EYS: variants seen among roughly 807,000 people sequenced by gnomAD.
EYS encodes protein eyes shut homolog.
Under a neutral mutation model 282.1 loss-of-function variants are expected in EYS, and 250 were observed. The ratio of observed to expected loss-of-function variants is 0.89; its 90% CI spans 0.80 to 0.98. The LOEUF (loss-of-function observed/expected upper bound fraction) is 0.98, where lower values mean the gene tolerates loss of function less well. EYS is among the 50% of genes least tolerant of loss of function. EYS has a pLI of 0.00. For synonymous variants in EYS, 1,355 were observed against 1,282.9 expected, an observed-to-expected ratio of 1.06 and a Z score of -1.20; for missense variants, 4,016 against 3,709.0, an observed-to-expected ratio of 1.08 and a Z score of -2.15.
At chr6:64,771,991 T>C (rs1773538044) in intron 22 of EYS, among the ~76,000 whole-genome samples, 2 of 151,806 alleles carry the variant, frequency 1.3e-5, no homozygotes. Context: ...GATACTGCTT[T>C]ATTATTTTTC....
intron 2 of EYS, among the ~76,000 whole-genome samples, chr6:65,594,210 G>A (rs1340658172): frequency 2.0e-5 from 3 of 151,922 alleles, no homozygotes; most frequent in South Asian, 4.1e-4. Context: ...ATAGTTACAT[G>A]GTTGTATATG....
Position 64,081,980 on chromosome 6 carries a change from A to T in EYS, c.6447T>A (p.Ser2149=), listed in dbSNP as rs763595557. ...GTTCTAAATAGGAATTCCCATTGAA[A>T]GATGGAAAGAATAAACCTGCATCTA... ...CEKDAGLFFP[S]FNGNSYLELP... is the part of the protein sequence containing the mutation. Residue 2149 remains serine (S), a synonymous_variant, in exon 32 of 43, where the codon TCT becomes TCA. Coordinates refer to ENST00000503581, the MANE Select transcript of EYS (RefSeq NM_001142800.2). The T allele has an allele frequency of 6.5e-7, 1 of 1,543,550 alleles. No individual in the cohort carries two copies. The highest frequency in any genetic ancestry group is 1.2e-5 in the South Asian group (1 of 83,732).
At chr6:64,731,176 C>A (rs192275357) in intron 22 of EYS, among the ~76,000 whole-genome samples, 1 of 152,046 alleles carries the variant, frequency 6.6e-6, no homozygotes, top group Non-Finnish European at 1.5e-5. Context: ...CATAAAAACC[C>A]TAGAAGAAAT....
At chr6:64,585,390 G>A (rs1010207224) in intron 26 of EYS, among the ~76,000 whole-genome samples, 1 of 152,026 alleles carries the variant, frequency 6.6e-6, no homozygotes, top group Admixed American at 6.6e-5. Flanking sequence ...TGGATGATGG[G>A]ATCTGTACCT....
At chr6:63,956,609 C>CAAAT (rs1765834672) in intron 35 of EYS, among the ~76,000 whole-genome samples, 1 of 152,070 alleles carries the variant, frequency 6.6e-6, no homozygotes, top group South Asian at 2.1e-4. Flanking sequence ...TTTTAATTGA[C>CAAAT]AATTGGATGT....
At chr6:64,713,753 C>A (rs1771286068) in intron 22 of EYS, among the ~76,000 whole-genome samples, 1 of 152,074 alleles carries the variant, frequency 6.6e-6, no homozygotes, top group South Asian at 2.1e-4. Context: ...TATGTAACAG[C>A]CACTTAATAT....
intron 31 of EYS, among the ~76,000 whole-genome samples, chr6:64,224,776 G>T (rs897739814): frequency 3.3e-5 from 5 of 151,716 alleles, no homozygotes; most frequent in African/African-American, 7.3e-5. Flanking sequence ...GGACATAAAA[G>T]ACAGAAATCC....
At chr6:63,725,425 G>C (rs557581254) in intron 42 of EYS, among the ~76,000 whole-genome samples, 27 of 151,934 alleles carry the variant, frequency 1.8e-4, no homozygotes, top group Non-Finnish European at 3.4e-4. Flanking sequence ...TCTTACATAG[G>C]TCCCACTTAA....
intron 34 of EYS, among the ~76,000 whole-genome samples, chr6:63,988,050 T>C (rs1767447906): frequency 1.3e-5 from 2 of 151,516 alleles, no homozygotes; most frequent in African/African-American, 4.8e-5. Context: ...TCCCAGAGGG[T>C]GATTATCTTT....
At chr6:65,274,743 G>T (rs1480824117) in intron 12 of EYS, among the ~76,000 whole-genome samples, 4 of 151,988 alleles carry the variant, frequency 2.6e-5, no homozygotes, top group Non-Finnish European at 5.9e-5. Flanking sequence ...AACTACTCTG[G>T]ACCAATTGGT....
At chr6:64,636,550 A>T (rs1388454860) in intron 22 of EYS, among the ~76,000 whole-genome samples, 3 of 152,180 alleles carry the variant, frequency 2.0e-5, no homozygotes, top group African/African-American at 7.2e-5. Context: ...CATGTCTAAA[A>T]CACCAAAAGC....
chr6:64,662,070 C>A (rs1431426581), intron 22 of EYS, among the ~76,000 whole-genome samples: 1 of 151,958 alleles, frequency 6.6e-6, no homozygotes, highest in African/African-American at 2.4e-5. Context: ...ACGATGAGTT[C>A]ATGTCCTTTG....
At chr6:65,447,245 G>A (rs766513851) in intron 5 of EYS, among the ~76,000 whole-genome samples, 59 of 149,484 alleles carry the variant, frequency 3.9e-4, no homozygotes, top group Non-Finnish European at 7.3e-4. Context: ...TACCAATATT[G>A]GCTTTTCTAC....
chr6:65,626,119 T>G (rs1766681107), intron 2 of EYS, among the ~76,000 whole-genome samples: 1 of 152,148 alleles, frequency 6.6e-6, no homozygotes, highest in Admixed American at 6.5e-5. Flanking sequence ...GTTCCACAAA[T>G]ATCATCTCCT....
At chr6:63,749,819 T>G (rs1254227870) in intron 41 of EYS, among the ~76,000 whole-genome samples, 3 of 152,152 alleles carry the variant, frequency 2.0e-5, no homozygotes. Context: ...CCCAACTTCC[T>G]CCCTCTTCAG....
At position 64,439,310 on chromosome 6, in the gene EYS, A is replaced by G. The variant is rs1774857215; in HGVS notation, c.5687T>C (p.Phe1896Ser). ...VRYYGDSYLE[F>S]QNVALNPQNN... ...TTGTGGATTTAAAGCCACATTCTGA[A>G]ATTCTAGATAAGAATCTCCATAATA... Residue 1896 changes from phenylalanine to serine, a missense_variant, in exon 27 of 43, where the codon TTT becomes TCT. Phe to Ser is a radical substitution (Grantham distance 155). Coordinates refer to ENST00000503581, the MANE Select transcript of EYS (RefSeq NM_001142800.2). 2 of 1,517,686 alleles carry G rather than the reference A, an allele frequency of 1.3e-6. No individual in the cohort carries two copies. Among genetic ancestry groups the G allele is most frequent in the Non-Finnish European group, 1.8e-6 (2 of 1,134,728 alleles). 94.0% of individuals were successfully genotyped at this position (1,517,686 alleles called of 1,614,324 possible). A position where few individuals can be genotyped will look rare whatever the true frequency, so the allele number is the denominator to read the frequency against.
At chr6:65,128,223 C>G (rs1775773802) in intron 12 of EYS, among the ~76,000 whole-genome samples, 1 of 151,786 alleles carries the variant, frequency 6.6e-6, no homozygotes, top group African/African-American at 2.4e-5. Flanking sequence ...ACAGAGAAAT[C>G]TAAAATAAAT....
intron 16 of EYS, among the ~76,000 whole-genome samples, chr6:64,908,223 T>C (rs1240592740): frequency 1.3e-5 from 2 of 152,070 alleles, no homozygotes; most frequent in African/African-American, 2.4e-5. Flanking sequence ...TGCCAGCAAG[T>C]GCAGGACCTG....
intron 22 of EYS, among the ~76,000 whole-genome samples, chr6:64,765,951 C>T (rs1413844583): frequency 6.6e-6 from 1 of 152,118 alleles, no homozygotes; most frequent in Non-Finnish European, 1.5e-5. Flanking sequence ...ACCATACCTT[C>T]AGCTTTTCTT....
Sources: allele counts gnomAD v4.1 joint callset (sites outside exome capture counted in the v4.1 genomes callset), GRCh38; gene constraint gnomAD v4.1.1; transcripts MANE v1.5; gene names NCBI Gene and HGNC (gene_info 2026-07-23, HGNC 2026-07-21).